Variants in CSMD1 observed in about 807,000 individuals in gnomAD.
The protein encoded by CSMD1 is CUB and Sushi multiple domains 1, also known as CUB and sushi domain-containing protein 1.
Under a neutral mutation model 417.5 loss-of-function variants are expected in CSMD1, and 213 were observed. The ratio of observed to expected loss-of-function variants is 0.51; its 90% CI spans 0.46 to 0.57. CSMD1 has a LOEUF of 0.57. Ranked by LOEUF, CSMD1 falls within the 20% of genes least tolerant of loss-of-function variation. The pLI, the probability that CSMD1 is intolerant of heterozygous loss-of-function variation, is 0.00. For missense variants in CSMD1, 6,923 were observed against 4,529.7 expected, an observed-to-expected ratio of 1.53 and a Z score of -15.17; for synonymous variants, 2,862 against 1,736.8, an observed-to-expected ratio of 1.65 and a Z score of -16.11.
intron 5 of CSMD1, among the ~76,000 whole-genome samples, chr8:3,862,591 A>C (rs1490280281): frequency 6.6e-6 from 1 of 152,208 alleles, no homozygotes; most frequent in Non-Finnish European, 1.5e-5. Context: ...TTAAGCTAGA[A>C]TTTGCTTATA....
At chr8:3,623,832 C>T (rs766827880) in intron 7 of CSMD1, among the ~76,000 whole-genome samples, 2 of 151,968 alleles carry the variant, frequency 1.3e-5, no homozygotes, top group Non-Finnish European at 2.9e-5. Flanking sequence ...AAAAAATTAG[C>T]TGGGCGTGCT....
At chr8:4,698,942 C>T (rs189753990) in intron 1 of CSMD1, among the ~76,000 whole-genome samples, 26 of 142,178 alleles carry the variant, frequency 1.8e-4, no homozygotes, top group Admixed American at 5.6e-4. Context: ...ACACACACAC[C>T]AATTTCACCG....
intron 3 of CSMD1, among the ~76,000 whole-genome samples, chr8:4,275,522 T>A (rs1427058137): frequency 6.6e-6 from 1 of 152,188 alleles, no homozygotes; most frequent in Non-Finnish European, 1.5e-5. Flanking sequence ...GTGCTGCTTT[T>A]GTAACTGTTA....
At chr8:3,442,316 A>G (rs1205331975) in intron 12 of CSMD1, among the ~76,000 whole-genome samples, 1 of 152,184 alleles carries the variant, frequency 6.6e-6, no homozygotes, top group Non-Finnish European at 1.5e-5. Context: ...ATAAGTCTAC[A>G]GCAGTGTATG....
At chr8:3,599,351 C>T (rs575083849) in intron 8 of CSMD1, among the ~76,000 whole-genome samples, 22 of 152,218 alleles carry the variant, frequency 1.4e-4, no homozygotes, top group African/African-American at 2.9e-4. Context: ...GGATGCAACA[C>T]GGCATTATTA....
intron 1 of CSMD1, among the ~76,000 whole-genome samples, chr8:4,943,821 C>A (rs1318865494): frequency 6.6e-6 from 1 of 152,136 alleles, no homozygotes; most frequent in African/African-American, 2.4e-5. Context: ...GATTTGACAG[C>A]ATCATTATTC....
At chr8:3,911,025 C>G (rs892272893) in intron 5 of CSMD1, among the ~76,000 whole-genome samples, 2 of 152,114 alleles carry the variant, frequency 1.3e-5, no homozygotes, top group Non-Finnish European at 2.9e-5. Context: ...AGGGGCTGCC[C>G]AGCTAGCCCT....
At chr8:4,137,111 A>T (rs1000970198) in intron 3 of CSMD1, among the ~76,000 whole-genome samples, 4 of 152,164 alleles carry the variant, frequency 2.6e-5, no homozygotes, top group African/African-American at 9.7e-5. Context: ...AGAATTTTCA[A>T]AATGTGGAAC....
chr8:4,967,253 G>C (rs889907497), intron 1 of CSMD1, among the ~76,000 whole-genome samples: 2 of 152,130 alleles, frequency 1.3e-5, no homozygotes, highest in African/African-American at 4.8e-5. Flanking sequence ...TAATACTTAG[G>C]TTGAGTTTTT....
At chr8:3,431,999 G>C (rs141346700) in intron 12 of CSMD1, among the ~76,000 whole-genome samples, 671 of 152,242 alleles carry the variant, frequency 4.4e-3, no homozygotes, top group Admixed American at 7.1e-3. Context: ...GATCATGTAA[G>C]AGATCACTGT....
intron 3 of CSMD1, among the ~76,000 whole-genome samples, chr8:4,126,088 G>A (rs190203763): frequency 6.6e-5 from 10 of 151,638 alleles, no homozygotes; most frequent in Admixed American, 1.3e-4. Context: ...AGAAACAGAA[G>A]ACAGCAAGAA....
rs560914075 is a variant in CSMD1, at chr8:4,405,994, C to T, written c.415+13959G>A. Among the ~76,000 whole-genome samples the T allele has an allele frequency of 7.9e-4, 121 of 152,228 alleles. 2 individuals are homozygous for T. The highest frequency in any genetic ancestry group is 1.8e-4 in the Non-Finnish European group (12 of 68,024). ...TGTCCTGTAACAGACATGGCTGTGA[C>T]GAGTGAGAGGGCAATTCATTCAGAC... On this transcript the variant is annotated intron_variant, in intron 3 of 69. Transcript: ENST00000635120.
chr8:3,569,628 T>C (rs950988422), intron 10 of CSMD1, among the ~76,000 whole-genome samples: 13 of 152,200 alleles, frequency 8.5e-5, no homozygotes, highest in African/African-American at 3.1e-4. Flanking sequence ...ATGGAAACTT[T>C]ATGTAACTGT....
chr8:2,944,277 G>T (rs768657812), intron 68 of CSMD1, among the ~76,000 whole-genome samples: 108 of 152,250 alleles, frequency 7.1e-4, no homozygotes, highest in Non-Finnish European at 1.2e-3. Flanking sequence ...ATTCTGAGAT[G>T]GTTTAAAATT....
chr8:4,738,778 A>G lies in CSMD1; in HGVS notation c.86-101220T>C, dbSNP rs143582949. On this transcript the variant is annotated intron_variant, in intron 1 of 69. Transcript: ENST00000635120. ...TTCTGAATACAGGATTAAGCTTGAT[A>G]CAATAAACAAATAAGATGGATGCCC... 2.4e-3 allele frequency among the ~76,000 whole-genome samples: 369 copies of G among 152,316 alleles called. 4 individuals carry two copies. Among genetic ancestry groups the G allele is most frequent in the Admixed American group, 0.012 (187 of 15,302 alleles).
intron 1 of CSMD1, among the ~76,000 whole-genome samples, chr8:4,640,784 G>A (rs1306966989): frequency 2.0e-5 from 3 of 150,818 alleles, no homozygotes; most frequent in East Asian, 2.0e-4. Flanking sequence ...TAAAATAATC[G>A]GTAGTTTCTG....
At chr8:3,942,133 C>T (rs1488259062) in intron 5 of CSMD1, among the ~76,000 whole-genome samples, 3 of 151,826 alleles carry the variant, frequency 2.0e-5, no homozygotes, top group Non-Finnish European at 2.9e-5. Flanking sequence ...GAGATGGGAT[C>T]GTCACCCCCA....
At chr8:4,318,183 A>G (rs536290969) in intron 3 of CSMD1, among the ~76,000 whole-genome samples, 12 of 152,220 alleles carry the variant, frequency 7.9e-5, no homozygotes, top group African/African-American at 2.2e-4. Flanking sequence ...CTATCCTTCT[A>G]TGGGTTTACA....
chr8:4,662,219 T>C (rs1009290196), intron 1 of CSMD1, among the ~76,000 whole-genome samples: 8 of 152,216 alleles, frequency 5.3e-5, no homozygotes, highest in African/African-American at 1.9e-4. Context: ...TGCAAAGTTA[T>C]GCTATAATGA....
Sources: gnomAD v4.1 joint callset for allele counts (sites outside exome capture counted in the v4.1 genomes callset) on GRCh38, gnomAD v4.1.1 for gene constraint, MANE v1.5 for transcripts, NCBI Gene and HGNC (gene_info 2026-07-23, HGNC 2026-07-21) for gene names.